SGCZ: variants seen among roughly 807,000 people sequenced by gnomAD.
SGCZ encodes sarcoglycan zeta, also known as zeta-sarcoglycan.
In SGCZ, 40 loss-of-function variants were observed where a neutral mutation model predicts 41.3. The ratio of observed to expected loss-of-function variants is 0.97; its 90% CI spans 0.75 to 1.26. The LOEUF (loss-of-function observed/expected upper bound fraction) is 1.26, where lower values mean the gene tolerates loss of function less well. Ranked by LOEUF, SGCZ falls within the 50% of genes most tolerant of loss-of-function variation. The pLI, the probability that SGCZ is intolerant of heterozygous loss-of-function variation, is 0.00. For missense variants in SGCZ, 552 were observed against 369.8 expected (o/e 1.49, Z -4.04); for synonymous variants, 206 against 137.5 (o/e 1.50, Z -3.49).
chr8:14,370,620 A>C (rs1803876668), intron 2 of SGCZ, among the ~76,000 whole-genome samples: 1 of 151,914 alleles, frequency 6.6e-6, no homozygotes, highest in Non-Finnish European at 1.5e-5. Context: ...ATATATTTAT[A>C]TTGAAAGAAT....
At chr8:14,364,566 A>G (rs1803633292) in intron 2 of SGCZ, among the ~76,000 whole-genome samples, 1 of 152,126 alleles carries the variant, frequency 6.6e-6, no homozygotes, top group Non-Finnish European at 1.5e-5. Flanking sequence ...CTCTAGGTAA[A>G]CTGCTATATC....
At chr8:15,064,171 G>A (rs1336720748) in intron 1 of SGCZ, among the ~76,000 whole-genome samples, 1 of 151,922 alleles carries the variant, frequency 6.6e-6, no homozygotes, top group African/African-American at 2.4e-5. Flanking sequence ...GACCCATACT[G>A]TACTTCTGTG....
At chr8:14,431,905 A>G (rs1433289505) in intron 2 of SGCZ, among the ~76,000 whole-genome samples, 1 of 152,150 alleles carries the variant, frequency 6.6e-6, no homozygotes, top group Non-Finnish European at 1.5e-5. Context: ...AGATACACCA[A>G]TGGCCAACAA....
intron 1 of SGCZ, among the ~76,000 whole-genome samples, chr8:15,232,469 C>T (rs1359902722): frequency 6.6e-6 from 1 of 151,946 alleles, no homozygotes; most frequent in Non-Finnish European, 1.5e-5. Context: ...ATTTGTCCAA[C>T]TTCCCACAAA....
At chr8:14,877,160 G>C (rs985390753) in intron 1 of SGCZ, among the ~76,000 whole-genome samples, 5 of 151,964 alleles carry the variant, frequency 3.3e-5, no homozygotes, top group African/African-American at 1.2e-4. Flanking sequence ...TTTTAGTAGA[G>C]ACAGGGCTTC....
intron 1 of SGCZ, among the ~76,000 whole-genome samples, chr8:14,818,913 C>T (rs1428120072): frequency 6.6e-6 from 1 of 151,554 alleles, no homozygotes; most frequent in Non-Finnish European, 1.5e-5. Context: ...TTATAGAATA[C>T]CACTAAACAA....
intron 1 of SGCZ, among the ~76,000 whole-genome samples, chr8:14,751,851 G>A (rs1293729956): frequency 2.0e-5 from 3 of 151,456 alleles, no homozygotes; most frequent in East Asian, 2.0e-4. Flanking sequence ...ACCCGGCCAT[G>A]AACCCGGGAG....
chr8:15,201,756 C>T (rs567250867), intron 1 of SGCZ, among the ~76,000 whole-genome samples: 14 of 152,308 alleles, frequency 9.2e-5, no homozygotes, highest in African/African-American at 3.4e-4. Context: ...CCCCCACCTT[C>T]TGGCTTTTTG....
intron 1 of SGCZ, among the ~76,000 whole-genome samples, chr8:15,158,180 G>T (rs1799393848): frequency 6.8e-6 from 1 of 148,076 alleles, no homozygotes; most frequent in African/African-American, 2.5e-5. Context: ...AAAAAAAATG[G>T]TGAAAAGATA....
At chr8:14,109,130 G>C (rs1452275117) in intron 5 of SGCZ, among the ~76,000 whole-genome samples, 6 of 152,214 alleles carry the variant, frequency 3.9e-5, no homozygotes, top group Admixed American at 3.9e-4. Context: ...CCTCTCTGGA[G>C]TTAGGGCTTA....
chr8:15,137,797 A>G (rs1476994395), intron 1 of SGCZ, among the ~76,000 whole-genome samples: 1 of 152,222 alleles, frequency 6.6e-6, no homozygotes, highest in Middle Eastern at 3.2e-3. Flanking sequence ...TGGATCCCTC[A>G]TGGAGAACCT....
intron 2 of SGCZ, among the ~76,000 whole-genome samples, chr8:14,342,313 A>T (rs985989312): frequency 1.3e-5 from 2 of 151,946 alleles, no homozygotes; most frequent in African/African-American, 4.8e-5. Flanking sequence ...CTGGCAGAAG[A>T]AATTTCTTTT....
At chr8:15,074,728 C>A (rs1805467933) in intron 1 of SGCZ, among the ~76,000 whole-genome samples, 1 of 152,168 alleles carries the variant, frequency 6.6e-6, no homozygotes. Flanking sequence ...TTTTCCCATG[C>A]TTTGTCATCT....
rs572062162 is a variant in SGCZ at position 15,082,040 on chromosome 8, C to T, written c.39+155545G>A. Among the ~76,000 whole-genome samples, 10 of 152,094 alleles carry T rather than the reference C, an allele frequency of 6.6e-5. No individual in the cohort carries two copies. In the East Asian group the frequency reaches 1.9e-3, roughly 30 times the overall value. On this transcript the variant is annotated intron_variant, in intron 1 of 7. Transcript: ENST00000382080. ...AGAATAAGAACTGCGACCAACCTGGCCAACATGGTGAAACCCCGCCTCTAC... is the reference window on the plus strand; with the variant it reads ...AGAATAAGAACTGCGACCAACCTGGTCAACATGGTGAAACCCCGCCTCTAC...
chr8:14,137,362 C>G (rs1391192674), intron 5 of SGCZ, among the ~76,000 whole-genome samples: 2 of 152,186 alleles, frequency 1.3e-5, no homozygotes, highest in South Asian at 4.1e-4. Flanking sequence ...TTCAGAAGAT[C>G]AGTAATAACA....
intron 1 of SGCZ, among the ~76,000 whole-genome samples, chr8:14,678,558 G>A (rs558360161): frequency 3.9e-5 from 6 of 152,280 alleles, no homozygotes; most frequent in Non-Finnish European, 5.9e-5. Flanking sequence ...AGGATGTGGC[G>A]CAAAAGCAAT....
intron 1 of SGCZ, among the ~76,000 whole-genome samples, chr8:15,120,182 C>T (rs1345825591): frequency 6.6e-6 from 1 of 152,174 alleles, no homozygotes; most frequent in Non-Finnish European, 1.5e-5. Flanking sequence ...TTCACTGATC[C>T]TGCCAATGAA....
chr8:14,935,319 T>G (rs1800049927), intron 1 of SGCZ, among the ~76,000 whole-genome samples: 1 of 151,806 alleles, frequency 6.6e-6, no homozygotes, highest in African/African-American at 2.4e-5. Flanking sequence ...TGTGACATTC[T>G]TCCATGTTGA....
intron 2 of SGCZ, among the ~76,000 whole-genome samples, chr8:14,361,044 C>T (rs556219884): frequency 1.3e-5 from 2 of 152,268 alleles, no homozygotes; most frequent in South Asian, 2.1e-4. Flanking sequence ...ATAATGATGT[C>T]GAACATCTTT....
Sources: allele counts gnomAD v4.1 joint callset (sites outside exome capture counted in the v4.1 genomes callset), GRCh38; gene constraint gnomAD v4.1.1; transcripts MANE v1.5; gene names NCBI Gene and HGNC (gene_info 2026-07-23, HGNC 2026-07-21).